Variants in ZFHX3 observed in about 807,000 individuals in gnomAD.
ZFHX3 encodes zinc finger homeobox protein 3.
A neutral mutation model predicts 279.1 loss-of-function variants in ZFHX3; 42 were observed. The ratio of observed to expected loss-of-function variants is 0.15; its 90% CI spans 0.12 to 0.19. ZFHX3 has a LOEUF of 0.19. ZFHX3 is among the 10% of genes least tolerant of loss of function. The pLI is 1.00. For missense variants in ZFHX3, 4,981 were observed against 4,754.0 expected, an observed-to-expected ratio of 1.05 and a Z score of -1.40; for synonymous variants, 2,293 against 1,957.8, an observed-to-expected ratio of 1.17 and a Z score of -4.52.
intron 5 of ZFHX3, among the ~76,000 whole-genome samples, chr16:73,158,579 C>T (rs1967152753): frequency 2.0e-5 from 3 of 152,136 alleles, no homozygotes; most frequent in Admixed American, 2.0e-4. Flanking sequence ...AACATTGACC[C>T]TTATTCTTCT....
At chr16:73,376,634 G>A (rs1330118796) in intron 3 of ZFHX3, among the ~76,000 whole-genome samples, 1 of 152,164 alleles carries the variant, frequency 6.6e-6, no homozygotes, top group Admixed American at 6.5e-5. Flanking sequence ...AATTCATGGT[G>A]TTTATAATGG....
At chr16:73,090,735 AAAAC>A (rs1966064362) in intron 8 of ZFHX3, among the ~76,000 whole-genome samples, 1 of 151,410 alleles carries the variant, frequency 6.6e-6, no homozygotes. Context: ...GAAAAAAAAA[AAAAC>A]AAAACAAAAA....
chr16:73,634,545 A>G (rs2052511112), intron 2 of ZFHX3, among the ~76,000 whole-genome samples: 1 of 151,320 alleles, frequency 6.6e-6, no homozygotes, highest in South Asian at 2.1e-4. Flanking sequence ...CAGTTTTTAG[A>G]AAGTATAGAC....
intron 1 of ZFHX3, among the ~76,000 whole-genome samples, chr16:73,788,358 G>A (rs939786036): frequency 1.3e-5 from 2 of 152,170 alleles, no homozygotes; most frequent in Non-Finnish European, 2.9e-5. Context: ...AGTAGAGAGG[G>A]CAAAACACCC....
intron 5 of ZFHX3, among the ~76,000 whole-genome samples, chr16:73,153,000 G>T (rs911734505): frequency 6.6e-6 from 1 of 152,090 alleles, no homozygotes; most frequent in Non-Finnish European, 1.5e-5. Flanking sequence ...TGGAATTTTT[G>T]GATGGTTTTG....
chr16:73,746,888 C>T (rs1376400065), intron 1 of ZFHX3, among the ~76,000 whole-genome samples: 1 of 152,160 alleles, frequency 6.6e-6, no homozygotes, highest in Non-Finnish European at 1.5e-5. Flanking sequence ...TGCCAAAGTA[C>T]ACACTTTTCC....
intron 1 of ZFHX3, among the ~76,000 whole-genome samples, chr16:73,775,476 C>A (rs559312397): frequency 1.3e-5 from 2 of 152,210 alleles, no homozygotes; most frequent in African/African-American, 4.8e-5. Flanking sequence ...CCCTAGGGCC[C>A]CAAACCCTCA....
At chr16:73,847,264 G>A (rs1961473176) in intron 1 of ZFHX3, among the ~76,000 whole-genome samples, 1 of 152,180 alleles carries the variant, frequency 6.6e-6, no homozygotes, top group African/African-American at 2.4e-5. Flanking sequence ...CTGCCCCATT[G>A]CACTCCAGCC....
intron 2 of ZFHX3, among the ~76,000 whole-genome samples, chr16:73,603,142 G>A (rs1462801180): frequency 3.3e-5 from 5 of 151,912 alleles, no homozygotes; most frequent in African/African-American, 7.2e-5. Flanking sequence ...AAAATTAGCC[G>A]GGCGCAGTGG....
intron 3 of ZFHX3, among the ~76,000 whole-genome samples, chr16:73,448,331 T>A (rs2018222462): frequency 6.6e-6 from 1 of 152,208 alleles, no homozygotes; most frequent in Non-Finnish European, 1.5e-5. Flanking sequence ...AATAGTTAAA[T>A]ATGGCACACA....
rs1329327011 is a variant in ZFHX3 at position 72,784,793 on chromosome 16, AAAC to A, written c.*2368_*2370del. 1 of 152,596 alleles carries A rather than the reference AAAC, an allele frequency of 6.6e-6. No homozygotes were observed. The highest frequency in any genetic ancestry group is 1.9e-4 in the East Asian group (1 of 5,202). The allele number at this position is 152,596 out of a possible 1,614,324, so 9.5% of individuals were successfully genotyped here. On this transcript the variant is annotated 3_prime_UTR_variant, in exon 10 of 10. Transcript: ENST00000268489. ...TTTCTTTAGTATTTCTACTTAAAAA[AAAC>A]AATTAAAAAAGGAATTTGCACTGTG... is the stretch of plus-strand genomic sequence containing the variant.
chr16:73,740,719 G>C (rs1254682591), intron 1 of ZFHX3, among the ~76,000 whole-genome samples: 1 of 152,154 alleles, frequency 6.6e-6, no homozygotes, highest in East Asian at 1.9e-4. Context: ...TTCAGAACCT[G>C]AGATGATACT....
intron 2 of ZFHX3, among the ~76,000 whole-genome samples, chr16:73,674,851 GACTATA>G (rs1357101205): frequency 1.4e-4 from 22 of 152,272 alleles, no homozygotes; most frequent in African/African-American, 5.3e-4. Flanking sequence ...CTTCTCAGCT[GACTATA>G]ACCACAGGAA....
intron 2 of ZFHX3, among the ~76,000 whole-genome samples, chr16:73,505,172 G>A (rs553236310): frequency 1.2e-4 from 19 of 152,070 alleles, no homozygotes; most frequent in African/African-American, 4.6e-4. Context: ...TCATCAACCC[G>A]AGCCTTTTCA....
chr16:73,440,915 T>C (rs62044967), intron 3 of ZFHX3, among the ~76,000 whole-genome samples: 16,655 of 152,270 alleles, frequency 0.11, 1,278 homozygotes, highest in East Asian at 0.26. Flanking sequence ...GCAAATAGAT[T>C]CATCTTTAGT....
At chr16:73,799,915 G>A (rs1166603247) in intron 1 of ZFHX3, among the ~76,000 whole-genome samples, 2 of 151,928 alleles carry the variant, frequency 1.3e-5, no homozygotes, top group African/African-American at 4.8e-5. Flanking sequence ...ACGACTTAAG[G>A]CCAGGTGTAG....
chr16:73,332,777 T>G (rs1271585059), intron 3 of ZFHX3, among the ~76,000 whole-genome samples: 1 of 152,164 alleles, frequency 6.6e-6, no homozygotes, highest in African/African-American at 2.4e-5. Context: ...CACAGAGCCC[T>G]CAAGGTAGTC....
intron 4 of ZFHX3, among the ~76,000 whole-genome samples, chr16:72,865,896 A>G (rs568637256): frequency 6.6e-6 from 1 of 152,274 alleles, no homozygotes; most frequent in East Asian, 1.9e-4. Flanking sequence ...GCCCTACACA[A>G]TGGAGGAAAC....
At chr16:73,153,216 C>T (rs56293316) in intron 5 of ZFHX3, among the ~76,000 whole-genome samples, 6,639 of 152,232 alleles carry the variant, frequency 0.044, 459 homozygotes, top group African/African-American at 0.15. Context: ...TCCCAGAGCT[C>T]TCAACTTTGG....
Sources: gnomAD v4.1 joint callset for allele counts (sites outside exome capture counted in the v4.1 genomes callset) on GRCh38, gnomAD v4.1.1 for gene constraint, MANE v1.5 for transcripts, NCBI Gene and HGNC (gene_info 2026-07-23, HGNC 2026-07-21) for gene names.